TRIM38: variants seen among roughly 807,000 people sequenced by gnomAD.
TRIM38 encodes the protein E3 ubiquitin-protein ligase TRIM38.
A neutral mutation model predicts 35.8 loss-of-function variants in TRIM38; 35 were observed. The ratio of observed to expected loss-of-function variants is 0.98; its 90% CI spans 0.75 to 1.30. The LOEUF (loss-of-function observed/expected upper bound fraction) is 1.30. Ranked by LOEUF, TRIM38 falls within the 50% of genes most tolerant of loss-of-function variation. The probability of loss-of-function intolerance (pLI) is 0.00; values close to 1 mark genes in which losing one functional copy is unlikely to be tolerated. For missense variants in TRIM38, 545 were observed against 556.9 expected, an observed-to-expected ratio of 0.98 and a Z score of 0.21; for synonymous variants, 198 against 204.7, an observed-to-expected ratio of 0.97 and a Z score of 0.28.
rs1390162120 is a variant in TRIM38, at chr6:25,972,200, A to G, written c.738+101A>G. 7 of 1,081,562 alleles carry G rather than the reference A, an allele frequency of 6.5e-6. No individual in the cohort carries two copies. In the East Asian group the frequency reaches 1.8e-4, roughly 28 times the overall value. The allele number at this position is 1,081,562 out of a possible 1,614,324, so 67.0% of individuals were successfully genotyped here. A position where few individuals can be genotyped will look rare whatever the true frequency, so the allele number is the denominator to read the frequency against. On this transcript the variant is annotated intron_variant, in intron 5 of 7. Coordinates refer to ENST00000357085, the MANE Select transcript of TRIM38 (RefSeq NM_006355.5). ...GAAGATAAAGTAATGTTTCTTTTAG[A>G]TGTACATCAGTGCCATCAGGCTGGC...
chr6:25,983,978 G>A lies in TRIM38; in HGVS notation c.*291G>A, dbSNP rs886723657. On this transcript the variant is annotated 3_prime_UTR_variant, in exon 8 of 8. Coordinates refer to ENST00000357085, the MANE Select transcript of TRIM38 (RefSeq NM_006355.5). ...GGCTTTGATTTCCAAGGGTCTTCAG[G>A]TGATGAGTAGGGGTACCCACAAGTC... 1.1e-5 allele frequency: 3 copies of A among 274,832 alleles called. No individual in the cohort carries two copies. The highest frequency in any genetic ancestry group is 6.6e-5 in the African/African-American group (3 of 45,280). The allele number at this position is 274,832 out of a possible 1,614,324, so 17.0% of individuals were successfully genotyped here. A position where few individuals can be genotyped will look rare whatever the true frequency, so the allele number is the denominator to read the frequency against.
chr6:25,965,249 G>C (rs2113574402), intron 2 of TRIM38, among the ~76,000 whole-genome samples: 1 of 152,312 alleles, frequency 6.6e-6, no homozygotes, highest in East Asian at 1.9e-4. Flanking sequence ...TGTGATAACA[G>C]AATGTTGTAT....
rs1027998169 is a variant in TRIM38, at chr6:25,986,715, A to C, written c.*3028A>C. On this transcript the variant is annotated 3_prime_UTR_variant, in exon 8 of 8. Transcript: ENST00000357085. The stretch of plus-strand genomic sequence containing the variant: ...TTTCTCTCCCATTTAAAGCAAGTCT[A>C]GATGTGGAAGTCTGGGAAGCCCAGA... 1 of 152,186 alleles carries C rather than the reference A, an allele frequency of 6.6e-6. No individual in the cohort carries two copies. The highest frequency in any genetic ancestry group is 2.4e-5 in the African/African-American group (1 of 41,430). The allele number at this position is 152,186 out of a possible 1,614,324, so 9.4% of individuals were successfully genotyped here.
intron 7 of TRIM38, among the ~76,000 whole-genome samples, chr6:25,981,203 G>A (rs556461947): frequency 1.6e-4 from 24 of 152,294 alleles, no homozygotes; most frequent in African/African-American, 4.8e-4. Context: ...AAATCATAGC[G>A]TGGGACTGGG....
Position 25,966,936 on chromosome 6 carries a change from G to A in TRIM38, c.411+3G>A, listed in dbSNP as rs1369848780. 6.3e-7 allele frequency: 1 copy of A among 1,596,234 alleles called. No individual in the cohort carries two copies. Among genetic ancestry groups the A allele is most frequent in the South Asian group, 1.1e-5 (1 of 89,630 alleles). ...AAGACGTATGCCAGGGCTACAAGGT[G>A]AGTGTGTGGGCCCGGGAGCTTTGGT... On this transcript the variant is annotated splice_donor_region_variant and intron_variant, in intron 3 of 7. Transcript: ENST00000357085.
chr6:25,975,625 T>C (rs1487424847), intron 7 of TRIM38: 6 of 982,866 alleles, frequency 6.1e-6, no homozygotes, highest in Non-Finnish European at 7.2e-6. Context: ...ATAAAGGATA[T>C]AAGGAGAAAG....
At chr6:25,979,859 T>C (rs1277613501) in intron 7 of TRIM38, among the ~76,000 whole-genome samples, 2 of 152,124 alleles carry the variant, frequency 1.3e-5, no homozygotes, top group Non-Finnish European at 2.9e-5. Flanking sequence ...AATTCTGCTT[T>C]AGCTTCATTG....
chr6:25,964,267 T>C (rs1759948837), intron 2 of TRIM38, among the ~76,000 whole-genome samples: 2 of 152,210 alleles, frequency 1.3e-5, no homozygotes, highest in South Asian at 4.1e-4. Flanking sequence ...TATGTATGTA[T>C]AAATATGTAT....
At chr6:25,968,769 A>G (rs969916023) in intron 3 of TRIM38, among the ~76,000 whole-genome samples, 1 of 152,250 alleles carries the variant, frequency 6.6e-6, no homozygotes, top group Non-Finnish European at 1.5e-5. Flanking sequence ...TGGATTCATG[A>G]TACCATTGTT....
In TRIM38 at chr6:25,983,208, C is replaced by G. The variant is rs61758101; in HGVS notation, c.919C>G (p.Leu307Val). 8 of 1,611,554 alleles carry G rather than the reference C, an allele frequency of 5.0e-6. No homozygotes were observed. The highest frequency in any genetic ancestry group is 6.8e-6 in the Non-Finnish European group (8 of 1,178,896). The change falls in exon 8 of 8, where the codon CTC becomes GTC. Residue 307 changes from leucine to valine, a missense_variant. Leu to Val is a conservative substitution (Grantham distance 32). Coordinates refer to ENST00000357085, the MANE Select transcript of TRIM38 (RefSeq NM_006355.5). ...AGATACAGCTCATCACGAACTAATTCTCTCTGAGGATCGGAGACAAGTGAC... is the reference window on the plus strand; with the variant it reads ...AGATACAGCTCATCACGAACTAATTGTCTCTGAGGATCGGAGACAAGTGAC... ...DPDTAHHELILSEDRRQVTRG... is the reference protein window; with the variant it reads ...DPDTAHHELIVSEDRRQVTRG...
Position 25,983,167 on chromosome 6 carries a change from G to A in TRIM38, c.878G>A (p.Ser293Asn), listed in dbSNP as rs528143552. 5 of 1,571,962 alleles carry A rather than the reference G, an allele frequency of 3.2e-6. No homozygotes were observed. The highest frequency in any genetic ancestry group is 4.3e-6 in the Non-Finnish European group (5 of 1,159,392). ...VKKMLRSHQV[S>N]VTLDPDTAHH... Reference sequence around the variant, plus strand: ...TTTGTTTTGTTTTGTTTTGCAGTTAGTGTGACTCTGGATCCAGATACAGCT... The same window carrying A: ...TTTGTTTTGTTTTGTTTTGCAGTTAATGTGACTCTGGATCCAGATACAGCT... The change falls in exon 8 of 8, where the codon AGT becomes AAT. Residue 293 changes from serine (S) to asparagine (N), a missense_variant. Physicochemically the swap from Ser to Asn is conservative, Grantham distance 46. Coordinates refer to ENST00000357085, the MANE Select transcript of TRIM38 (RefSeq NM_006355.5).
In TRIM38 at chr6:25,983,407, G is replaced by T. The variant is rs1760620053; in HGVS notation, c.1118G>T (p.Gly373Val). The T allele has an allele frequency of 6.2e-7, 1 of 1,614,048 alleles. No homozygotes were observed. The highest frequency in any genetic ancestry group is 1.3e-5 in the African/African-American group (1 of 74,918). The change falls in exon 8 of 8, where the codon GGC (glycine) becomes GTC (valine). Residue 373 changes from glycine (G) to valine (V), a missense_variant. By Grantham distance (109) the Gly-to-Val change is moderately radical (BLOSUM62 -3). Coordinates refer to ENST00000357085, the MANE Select transcript of TRIM38 (RefSeq NM_006355.5). ...VCMENVQRGT[G>V]MKQEPQSGFW... Reference sequence around the variant, plus strand: ...ATGGAAAATGTGCAGAGGGGCACTGGCATGAAGCAAGAGCCTCAGTCTGGA... The same window carrying T: ...ATGGAAAATGTGCAGAGGGGCACTGTCATGAAGCAAGAGCCTCAGTCTGGA...
Position 25,966,770 on chromosome 6 carries a change from C to G in TRIM38, c.248C>G (p.Ala83Gly). Residue 83 changes from alanine (A) to glycine (G), a missense_variant, in exon 3 of 8, where the codon GCC (alanine) becomes GGC (glycine). Coordinates refer to ENST00000357085, the MANE Select transcript of TRIM38 (RefSeq NM_006355.5). ...PNKQLGSLIE[A>G]LKETDQEMSC... ...AAGCAGCTGGGAAGCCTCATTGAAG[C>G]CCTCAAAGAGACGGATCAAGAAATG... The G allele has an allele frequency of 6.2e-7, 1 of 1,614,212 alleles. No homozygotes were observed. Among genetic ancestry groups the G allele is most frequent in the Non-Finnish European group, 8.5e-7 (1 of 1,180,034 alleles).
intron 5 of TRIM38, 60 bp from the exon 6 acceptor site, chr6:25,972,994 G>T: frequency 6.2e-7 from 1 of 1,609,936 alleles, no homozygotes; most frequent in Non-Finnish European, 8.5e-7. Flanking sequence ...AGCCCTGCAT[G>T]ACAAGCCCCA....
At chr6:25,977,671 A>G (rs191260203) in intron 7 of TRIM38, among the ~76,000 whole-genome samples, 25 of 152,002 alleles carry the variant, frequency 1.6e-4, no homozygotes, top group African/African-American at 6.0e-4. Flanking sequence ...CATCTCAAAA[A>G]AAAAAAGAAG....
intron 4 of TRIM38, among the ~76,000 whole-genome samples, chr6:25,970,628 G>A (rs957878560): frequency 2.6e-5 from 4 of 152,024 alleles, no homozygotes; most frequent in Non-Finnish European, 4.4e-5. Flanking sequence ...ATGAAAACCC[G>A]TCTATACAAG....
At chr6:25,975,977 T>C (rs1378379948) in intron 7 of TRIM38, among the ~76,000 whole-genome samples, 2 of 152,198 alleles carry the variant, frequency 1.3e-5, no homozygotes, top group African/African-American at 2.4e-5. Context: ...CCATATTACT[T>C]GACTCAAAGT....
rs1760675186 is a variant in TRIM38, at chr6:25,985,100, AT to A, written c.*1417del. 1 of 152,204 alleles carries A rather than the reference AT, an allele frequency of 6.6e-6. No homozygotes were observed. The highest frequency in any genetic ancestry group is 6.5e-5 in the Admixed American group (1 of 15,270). 9.4% of individuals were successfully genotyped at this position (152,204 alleles called of 1,614,324 possible). A position where few individuals can be genotyped will look rare whatever the true frequency, so the allele number is the denominator to read the frequency against. ...ATATGCCATCTTTGGCATAAGAAGT[AT>A]TTTGAGTTGAAGACAATTGAGAAAA... On this transcript the variant is annotated 3_prime_UTR_variant, in exon 8 of 8. Transcript: ENST00000357085.
chr6:25,977,202 G>T (rs1039605085), intron 7 of TRIM38, among the ~76,000 whole-genome samples: 1 of 152,176 alleles, frequency 6.6e-6, no homozygotes, highest in African/African-American at 2.4e-5. Flanking sequence ...AGTCATCAGT[G>T]GGCAGTGAAT....
Sources: allele counts gnomAD v4.1 joint callset (sites outside exome capture counted in the v4.1 genomes callset), GRCh38; gene constraint gnomAD v4.1.1; transcripts MANE v1.5; gene names NCBI Gene and HGNC (gene_info 2026-07-23, HGNC 2026-07-21).